SMYD4: variants seen among roughly 807,000 people sequenced by gnomAD.
The protein encoded by SMYD4 is protein-lysine N-methyltransferase SMYD4.
SMYD4 carries 68 observed loss-of-function variants against 72.8 expected under a neutral mutation model. That is an observed-to-expected ratio of 0.93 (90% CI 0.77 to 1.14). SMYD4 has a LOEUF of 1.14. Among genes scored for constraint, SMYD4 ranks in the 50% most tolerant of loss-of-function variants. The pLI is 0.00. For synonymous variants in SMYD4, 407 were observed against 388.6 expected (o/e 1.05, Z -0.56); for missense variants, 984 against 1,003.7 (o/e 0.98, Z 0.27).
Position 1,800,085 on chromosome 17 carries a change from G to C in SMYD4, c.1309C>G (p.Pro437Ala). The C allele has an allele frequency of 3.1e-6, 5 of 1,611,752 alleles. No individual in the cohort carries two copies. The highest frequency in any genetic ancestry group is 4.2e-6 in the Non-Finnish European group (5 of 1,178,380). ...NLLPHTENHS[P>A]EHKFLCALCV... ...AGAGCACAGAGGAATTTGTGCTCTG[G>C]GCTATGGTTTTCAGTGTGGGGCAAA... The change falls in exon 5 of 11, where the codon CCA (proline) becomes GCA (alanine). Residue 437 changes from proline (P) to alanine (A), a missense_variant. Physicochemically the swap from Pro to Ala is conservative, Grantham distance 27. Coordinates refer to ENST00000305513, the MANE Select transcript of SMYD4 (RefSeq NM_052928.3).
intron 5 of SMYD4, among the ~76,000 whole-genome samples, chr17:1,794,057 G>GTATA (rs752397865): frequency 0.4 from 18,143 of 45,808 alleles, 3,391 homozygotes; most frequent in African/African-American, 0.47. Context: ...ATATATGTGT[G>GTATA]TATATATATG....
intron 5 of SMYD4, among the ~76,000 whole-genome samples, chr17:1,792,011 C>T (rs1023412877): frequency 1.3e-5 from 2 of 151,898 alleles, no homozygotes; most frequent in Admixed American, 1.3e-4. Context: ...GCAGATATAA[C>T]ATGTTATCTT....
chr17:1,793,646 T>G (rs117708592), intron 5 of SMYD4, among the ~76,000 whole-genome samples: 236 of 152,036 alleles, frequency 1.6e-3, no homozygotes, highest in Middle Eastern at 6.8e-3. Flanking sequence ...CTCCACTTCT[T>G]GACAAGAGAA....
At chr17:1,804,458 A>C (rs759585893) in intron 4 of SMYD4, 168 bp downstream of exon 4, 14 of 559,682 alleles carry the variant, frequency 2.5e-5, no homozygotes, top group Non-Finnish European at 4.4e-5. Context: ...ATTACAGGCA[A>C]TGAGCGCCCA....
At chr17:1,824,369 C>T (rs1389289957) in intron 2 of SMYD4, among the ~76,000 whole-genome samples, 1 of 152,088 alleles carries the variant, frequency 6.6e-6, no homozygotes, top group African/African-American at 2.4e-5. Context: ...TAATAAAATA[C>T]ACTATAAAGT....
intron 2 of SMYD4, among the ~76,000 whole-genome samples, chr17:1,813,952 A>C (rs1696018239): frequency 6.6e-6 from 1 of 152,216 alleles, no homozygotes; most frequent in Non-Finnish European, 1.5e-5. Context: ...ACAAAAGTAG[A>C]AACACAAATG....
At chr17:1,783,003 T>C (rs1908446184) in intron 10 of SMYD4, 32 bp downstream of exon 10, 2 of 1,608,330 alleles carry the variant, frequency 1.2e-6, no homozygotes, top group Admixed American at 1.7e-5. Context: ...AAAGGAACAG[T>C]GTGTGCCCTG....
chr17:1,783,725 C>A (rs1323577919), intron 8 of SMYD4: 8 of 561,696 alleles, frequency 1.4e-5, no homozygotes, highest in Non-Finnish European at 2.5e-5. Context: ...ATTAACTTCC[C>A]AACTCGACCA....
chr17:1,802,342 C>A (rs1909812997), intron 4 of SMYD4, among the ~76,000 whole-genome samples: 1 of 151,922 alleles, frequency 6.6e-6, no homozygotes, highest in African/African-American at 2.4e-5. Context: ...AAAAATTAAA[C>A]AATTAGCCAG....
rs113487750 is a variant in SMYD4, at chr17:1,825,392, T to G, written c.134+2469A>C. ...TGCAGAAGGATTAGAGAGCTAAAGG[T>G]AAAAAAATGTTAGCAGAAAACAATG... On this transcript the variant is annotated intron_variant, in intron 2 of 10. Transcript: ENST00000305513. 7.0e-3 allele frequency among the ~76,000 whole-genome samples: 1,060 copies of G among 151,778 alleles called. 7 individuals are homozygous for G. Among genetic ancestry groups the G allele is most frequent in the African/African-American group, 0.024 (1,011 of 41,392 alleles).
intron 4 of SMYD4, among the ~76,000 whole-genome samples, chr17:1,803,789 A>G (rs1427742262): frequency 2.6e-5 from 4 of 151,382 alleles, no homozygotes; most frequent in Non-Finnish European, 5.9e-5. Context: ...GTGAACCACC[A>G]TGCCTGGCCC....
At chr17:1,782,842 C>T (rs963520584) in intron 10 of SMYD4, 193 bp downstream of exon 10, 11 of 753,870 alleles carry the variant, frequency 1.5e-5, no homozygotes, top group Non-Finnish European at 1.9e-5. Flanking sequence ...TCTTGGCTCA[C>T]TGCAAGCTCC....
intron 3 of SMYD4, among the ~76,000 whole-genome samples, chr17:1,810,131 T>C (rs1251968705): frequency 6.6e-6 from 1 of 151,898 alleles, no homozygotes; most frequent in African/African-American, 2.4e-5. Context: ...AAGCTAACAG[T>C]CTCATCAGAC....
Position 1,787,692 on chromosome 17 carries a change from C to G in SMYD4, c.1538-88G>C. 4 of 1,361,296 alleles carry G rather than the reference C, an allele frequency of 2.9e-6. No homozygotes were observed. In the Admixed American group the frequency reaches 7.5e-5, roughly 26 times the overall value. The allele number at this position is 1,361,296 out of a possible 1,614,324, so 84.3% of individuals were successfully genotyped here. ...GTTCCTCAGAAGATGAGCTGGGCAG[C>G]TAGGCCTGCAGCCCGTGTGAGTCAT... On this transcript the variant is annotated intron_variant, in intron 5 of 10. Transcript: ENST00000305513.
At chr17:1,809,174 G>T (rs906599928) in intron 3 of SMYD4, among the ~76,000 whole-genome samples, 2 of 152,022 alleles carry the variant, frequency 1.3e-5, no homozygotes, top group Non-Finnish European at 2.9e-5. Context: ...ACTGTGCCCA[G>T]CCTACCCTTC....
chr17:1,793,187 G>T (rs529078662), intron 5 of SMYD4, among the ~76,000 whole-genome samples: 1 of 152,166 alleles, frequency 6.6e-6, no homozygotes, highest in East Asian at 1.9e-4. Context: ...AAAGTGCTGG[G>T]ATTATAGGTG....
In SMYD4 at chr17:1,826,514, A is replaced by AAAAAGAAAAGAAAAG. The variant is rs1597402713; in HGVS notation, c.134+1332_134+1346dup. Among the ~76,000 whole-genome samples, 106 of 105,826 alleles carry AAAAAGAAAAGAAAAG rather than the reference A, an allele frequency of 1.0e-3. 1 individual carries two copies. The highest frequency in any genetic ancestry group is 3.2e-3 in the African/African-American group (103 of 32,026). The allele number at this position is 105,826 out of a possible 152,430, so 69.4% of individuals were successfully genotyped here. ...TCCAAAAAAAAAAAAAAAAAAAAAA[A>AAAAAGAAAAGAAAAG]AAAAGAAAAGAAAAGAAAAGAAATG... is the stretch of plus-strand genomic sequence containing the variant. On this transcript the variant is annotated intron_variant, in intron 2 of 10. Transcript: ENST00000305513.
chr17:1,816,549 G>A (rs1395950930), intron 2 of SMYD4, among the ~76,000 whole-genome samples: 1 of 151,736 alleles, frequency 6.6e-6, no homozygotes, highest in Non-Finnish European at 1.5e-5. Flanking sequence ...GAACCCAGGA[G>A]GCGGAGGTTG....
rs565514606 is a variant in SMYD4 at position 1,816,366 on chromosome 17, T to G, written c.135-4251A>C. Among the ~76,000 whole-genome samples, 104 of 152,072 alleles carry G rather than the reference T, an allele frequency of 6.8e-4. 2 individuals carry two copies. In the South Asian group the frequency reaches 0.021, roughly 30 times the overall value. ...CAGGCGCGGTGGCTCACGCCTGTAATCCCAGCACTTTGGGAGGCCGAGGCG... is the reference window on the plus strand; with the variant it reads ...CAGGCGCGGTGGCTCACGCCTGTAAGCCCAGCACTTTGGGAGGCCGAGGCG... On this transcript the variant is annotated intron_variant, in intron 2 of 10. Coordinates refer to ENST00000305513, the MANE Select transcript of SMYD4 (RefSeq NM_052928.3).
Sources: allele counts gnomAD v4.1 joint callset (sites outside exome capture counted in the v4.1 genomes callset), GRCh38; gene constraint gnomAD v4.1.1; transcripts MANE v1.5; gene names NCBI Gene and HGNC (gene_info 2026-07-23, HGNC 2026-07-21).